Variants in GLIS3 observed in about 807,000 individuals in gnomAD.
GLIS3 encodes GLIS family zinc finger 3, also known as zinc finger protein GLIS3.
GLIS3 carries 53 observed loss-of-function variants against 78.6 expected under a neutral mutation model. The observed-to-expected ratio is 0.67, with a 90% confidence interval of 0.54 to 0.85. The LOEUF (loss-of-function observed/expected upper bound fraction) is 0.85. GLIS3 is among the 40% of genes least tolerant of loss of function. The pLI is 0.00. For missense variants in GLIS3, 1,703 were observed against 1,231.1 expected, an observed-to-expected ratio of 1.38 and a Z score of -5.74; for synonymous variants, 684 against 509.9, an observed-to-expected ratio of 1.34 and a Z score of -4.60.
the GLIS3 span, among the ~76,000 whole-genome samples, chr9:4,364,695 T>C: frequency 7.5e-6 from 1 of 133,518 alleles, no homozygotes; most frequent in African/African-American, 2.8e-5. Context: ...TTCTTCTTTA[T>C]ATTTTTATTA....
At chr9:4,455,213 G>T in the GLIS3 span, among the ~76,000 whole-genome samples, 1 of 152,198 alleles carries the variant, frequency 6.6e-6, no homozygotes, top group Non-Finnish European at 1.5e-5. Context: ...ATAAATTGCT[G>T]ACTTTGGATT....
At chr9:4,146,787 A>T (rs1466944715) in intron 2 of GLIS3, among the ~76,000 whole-genome samples, 1 of 152,226 alleles carries the variant, frequency 6.6e-6, no homozygotes, top group Non-Finnish European at 1.5e-5. Flanking sequence ...ACTAATAAAA[A>T]TTAAACAGTT....
chr9:4,064,662 C>T (rs1360638512), intron 4 of GLIS3, among the ~76,000 whole-genome samples: 3 of 152,086 alleles, frequency 2.0e-5, no homozygotes, highest in South Asian at 2.1e-4. Flanking sequence ...GGTGTTGTGG[C>T]GCACACCTGT....
At position 4,299,814 on chromosome 9, in the gene GLIS3, G is replaced by A. The variant is rs1816959097; in HGVS notation, c.-492C>T. The A allele has an allele frequency of 6.5e-6, 1 of 152,676 alleles. No homozygotes were observed. The highest frequency in any genetic ancestry group is 2.4e-5 in the African/African-American group (1 of 41,468). 9.5% of individuals were successfully genotyped at this position (152,676 alleles called of 1,614,324 possible). On this transcript the variant is annotated 5_prime_UTR_variant, in exon 1 of 11. Coordinates refer to ENST00000381971, the MANE Select transcript of GLIS3 (RefSeq NM_001042413.2). ...CTGTTCATCCTCGTCCTGGGCCGGGGAATGCTTCTGGGGGCCGACCCCGGG... is the reference window on the plus strand; with the variant it reads ...CTGTTCATCCTCGTCCTGGGCCGGGAAATGCTTCTGGGGGCCGACCCCGGG...
At chr9:3,971,696 A>G (rs1361771708) in intron 4 of GLIS3, among the ~76,000 whole-genome samples, 2 of 152,162 alleles carry the variant, frequency 1.3e-5, no homozygotes, top group Non-Finnish European at 2.9e-5. Context: ...TAACTGCTCT[A>G]TTTCGTGCAT....
Position 4,246,608 on chromosome 9 carries a change from C to T in GLIS3, c.388+39430G>A, listed in dbSNP as rs144191020. The stretch of plus-strand genomic sequence containing the variant: ...TTACTGCAGCAAAGCATTTTCCAAA[C>T]TGAGACTGGAGTTCAGTATCCCCAC... On this transcript the variant is annotated intron_variant, in intron 2 of 10. Transcript: ENST00000381971. 4.7e-4 allele frequency among the ~76,000 whole-genome samples: 71 copies of T among 152,300 alleles called. No homozygotes were observed. The East Asian group carries it at 9.5e-3, about 20-fold the overall frequency.
At chr9:3,885,496 C>T (rs1453318456) in intron 7 of GLIS3, among the ~76,000 whole-genome samples, 1 of 152,116 alleles carries the variant, frequency 6.6e-6, no homozygotes, top group Admixed American at 6.5e-5. Flanking sequence ...ATAAGTAGTG[C>T]TAGAGTAATG....
At chr9:4,173,902 T>C (rs1169740178) in intron 2 of GLIS3, among the ~76,000 whole-genome samples, 1 of 144,644 alleles carries the variant, frequency 6.9e-6, no homozygotes, top group Non-Finnish European at 1.5e-5. Flanking sequence ...CTAGTCCGAG[T>C]ACCCAGTTAA....
intron 6 of GLIS3, among the ~76,000 whole-genome samples, chr9:3,903,724 CTAAA>C (rs1158792676): frequency 6.6e-6 from 1 of 151,884 alleles, no homozygotes. Context: ...AGTAAACTAA[CTAAA>C]TAAATTGTAG....
intron 2 of GLIS3, among the ~76,000 whole-genome samples, chr9:4,334,967 G>A (rs1329958453): frequency 7.3e-6 from 1 of 136,544 alleles, no homozygotes; most frequent in Non-Finnish European, 1.5e-5. Context: ...GGAGTGCAGT[G>A]GTGTGATCTC....
intron 2 of GLIS3, among the ~76,000 whole-genome samples, chr9:4,175,657 C>A (rs1258891192): frequency 1.3e-5 from 2 of 152,202 alleles, no homozygotes; most frequent in African/African-American, 2.4e-5. Context: ...CAAGTCCCCA[C>A]TGTACTGGAT....
At chr9:3,985,673 G>GTTTC in intron 4 of GLIS3, among the ~76,000 whole-genome samples, 1 of 152,202 alleles carries the variant, frequency 6.6e-6, no homozygotes, top group Non-Finnish European at 1.5e-5. Flanking sequence ...AATAGGAAGA[G>GTTTC]ATGTTTCAAG....
intron 2 of GLIS3, among the ~76,000 whole-genome samples, chr9:4,193,153 T>C (rs975176221): frequency 2.6e-5 from 4 of 152,254 alleles, no homozygotes; most frequent in Admixed American, 2.0e-4. Flanking sequence ...AGGTAGAACT[T>C]GGTCAGCAAA....
chr9:4,400,135 C>T, the GLIS3 span, among the ~76,000 whole-genome samples: 1 of 152,134 alleles, frequency 6.6e-6, no homozygotes. Flanking sequence ...ACAGGAGGTA[C>T]ATGTGTATTT....
intron 2 of GLIS3, among the ~76,000 whole-genome samples, chr9:4,185,108 G>T (rs1345056602): frequency 6.6e-6 from 1 of 152,098 alleles, no homozygotes; most frequent in East Asian, 1.9e-4. Context: ...GTTAATCCCT[G>T]TTCCCATCTC....
the GLIS3 span, among the ~76,000 whole-genome samples, chr9:4,475,816 T>A: frequency 6.6e-6 from 1 of 152,160 alleles, no homozygotes; most frequent in East Asian, 1.9e-4. Context: ...TAATAGATAA[T>A]TAGTCGCTAC....
the GLIS3 span, among the ~76,000 whole-genome samples, chr9:4,385,082 A>G: frequency 6.6e-6 from 1 of 152,234 alleles, no homozygotes; most frequent in Non-Finnish European, 1.5e-5. Context: ...TGTGTTTTGA[A>G]TTTCTTAAAA....
chr9:4,240,177 C>CCACAG (rs373269562), intron 2 of GLIS3, among the ~76,000 whole-genome samples: 315 of 86,346 alleles, frequency 3.6e-3, no homozygotes, highest in African/African-American at 0.013. Flanking sequence ...GACAATTTTT[C>CCACAG]CACAGATGTG....
chr9:4,398,305 G>C, the GLIS3 span, among the ~76,000 whole-genome samples: 1 of 151,820 alleles, frequency 6.6e-6, no homozygotes, highest in South Asian at 2.1e-4. Flanking sequence ...CCCTGAATTA[G>C]CAGCATTAGC....
Sources: gnomAD v4.1 joint callset for allele counts (sites outside exome capture counted in the v4.1 genomes callset) on GRCh38, gnomAD v4.1.1 for gene constraint, MANE v1.5 for transcripts, NCBI Gene and HGNC (gene_info 2026-07-23, HGNC 2026-07-21) for gene names.